The following LRP5 variants were observed in gnomAD, a reference collection of about 807,000 sequenced individuals.
The protein encoded by LRP5 is LDL receptor related protein 5.
In LRP5, 62 loss-of-function variants were observed where a neutral mutation model predicts 154.1. The ratio of observed to expected loss-of-function variants is 0.40; its 90% CI spans 0.33 to 0.50. The LOEUF (loss-of-function observed/expected upper bound fraction) is 0.50. LRP5 is among the 20% of genes least tolerant of loss of function. The pLI, the probability that LRP5 is intolerant of heterozygous loss-of-function variation, is 0.55. For missense variants in LRP5, 1,915 were observed against 2,336.7 expected, an observed-to-expected ratio of 0.82 and a Z score of 3.72; for synonymous variants, 966 against 1,011.5, an observed-to-expected ratio of 0.96 and a Z score of 0.85.
At chr11:68,351,057 C>T (rs984657153) in intron 2 of LRP5, among the ~76,000 whole-genome samples, 2 of 152,140 alleles carry the variant, frequency 1.3e-5, no homozygotes, top group African/African-American at 2.4e-5. Context: ...AGTATGTGCG[C>T]GAGAGTGTCT....
chr11:68,437,028 G>A, intron 19 of LRP5, 29 bp downstream of exon 19: 1 of 1,592,230 alleles, frequency 6.3e-7, no homozygotes, highest in Non-Finnish European at 8.6e-7. Context: ...CGGGGAAGGG[G>A]CGTCCGGGCT....
At chr11:68,393,113 G>C (rs7940269) in intron 7 of LRP5, among the ~76,000 whole-genome samples, 4 of 150,836 alleles carry the variant, frequency 2.7e-5, no homozygotes, top group Non-Finnish European at 4.4e-5. Context: ...CTGGACAACA[G>C]AGCAAGACCC....
At chr11:68,358,400 A>G (rs1337299973) in intron 3 of LRP5, among the ~76,000 whole-genome samples, 1 of 152,198 alleles carries the variant, frequency 6.6e-6, no homozygotes, top group Admixed American at 6.5e-5. Flanking sequence ...GGCGTGAGCC[A>G]CCGCACCCGG....
chr11:68,431,911 C>T (rs950960131), intron 17 of LRP5, among the ~76,000 whole-genome samples: 4 of 152,242 alleles, frequency 2.6e-5, no homozygotes, highest in Admixed American at 2.6e-4. Context: ...GAACTCCAGG[C>T]CCCTTCCTCA....
At chr11:68,420,088 C>T (rs2098664712) in intron 13 of LRP5, among the ~76,000 whole-genome samples, 1 of 152,244 alleles carries the variant, frequency 6.6e-6, no homozygotes. Flanking sequence ...CGCACCCAGC[C>T]CATTTTACCT....
At chr11:68,434,439 G>A (rs943645317) in intron 18 of LRP5, among the ~76,000 whole-genome samples, 2 of 152,064 alleles carry the variant, frequency 1.3e-5, no homozygotes, top group African/African-American at 4.8e-5. Flanking sequence ...GAGTGCCCTG[G>A]TGTAATCTCG....
chr11:68,416,675 C>T (rs2098662742), intron 13 of LRP5, 148 bp downstream of exon 13: 6 of 742,696 alleles, frequency 8.1e-6, no homozygotes, highest in Non-Finnish European at 1.4e-5. Flanking sequence ...TATGTAGTCA[C>T]AGGGTATGAC....
chr11:68,381,865 T>C (rs984635264), intron 5 of LRP5, among the ~76,000 whole-genome samples: 10 of 152,168 alleles, frequency 6.6e-5, no homozygotes, highest in Admixed American at 6.5e-4. Context: ...CCCGGACCTC[T>C]CTACACACAG....
Position 68,433,599 on chromosome 11 carries a change from C to G in LRP5, c.3764-3C>G, listed in dbSNP as rs200397490. The G allele has an allele frequency of 2.3e-5, 37 of 1,612,432 alleles. No homozygotes were observed. The highest frequency in any genetic ancestry group is 3.0e-5 in the Non-Finnish European group (35 of 1,179,268). On this transcript the variant is annotated splice_region_variant and splice_polypyrimidine_tract_variant and intron_variant, in intron 17 of 22. Transcript: ENST00000294304. ...GTGATGTTCTCCTCTGTCCCTCCCCCAGAGCCGCCCACCTGCTCCCCGGAC... is the reference window on the plus strand; with the variant it reads ...GTGATGTTCTCCTCTGTCCCTCCCCGAGAGCCGCCCACCTGCTCCCCGGAC...
At chr11:68,312,062 T>TC (rs1296537647), upstream of LRP5, among the ~76,000 whole-genome samples, 4 of 152,386 alleles carry the variant, frequency 2.6e-5, no homozygotes, top group East Asian at 5.8e-4. Context: ...TGTGTCTGTT[T>TC]CGCAGTCTTC....
At chr11:68,436,332 G>A (rs929750034) in intron 18 of LRP5, among the ~76,000 whole-genome samples, 1 of 152,158 alleles carries the variant, frequency 6.6e-6, no homozygotes, top group Non-Finnish European at 1.5e-5. Context: ...CTGGGTGGGC[G>A]TCTGGGGAGG....
intron 7 of LRP5, among the ~76,000 whole-genome samples, chr11:68,391,205 A>G (rs913875435): frequency 6.6e-6 from 1 of 152,170 alleles, no homozygotes; most frequent in African/African-American, 2.4e-5. Context: ...CTGGTCTCAC[A>G]TGATCCACCT....
Position 68,348,027 on chromosome 11 carries a change from A to G in LRP5, c.272A>G (p.Tyr91Cys), listed in dbSNP as rs1241618923. Reference protein sequence around the residue: ...DVSEEAIKQTYLNQTGAAVQN... With the variant: ...DVSEEAIKQTCLNQTGAAVQN... ...AGCGAGGAGGCCATCAAGCAGACCTACCTGAACCAGACGGGGGCCGCCGTG... is the reference window on the plus strand; with the variant it reads ...AGCGAGGAGGCCATCAAGCAGACCTGCCTGAACCAGACGGGGGCCGCCGTG... The change falls in exon 2 of 23, where the codon TAC becomes TGC. Residue 91 changes from tyrosine (Y) to cysteine (C), a missense_variant. By Grantham distance (194) the Tyr-to-Cys change is radical. This residue lies in a region of LRP5 where 773 missense variants were observed against 1,100.9 expected (regional missense o/e 0.70). Transcript: ENST00000294304. 1 of 1,614,082 alleles carries G rather than the reference A, an allele frequency of 6.2e-7. No homozygotes were observed. The highest frequency in any genetic ancestry group is 8.5e-7 in the Non-Finnish European group (1 of 1,180,004).
the LRP5 span, among the ~76,000 whole-genome samples, chr11:68,299,615 T>G: frequency 2.3e-5 from 3 of 131,500 alleles, no homozygotes; most frequent in Admixed American, 8.3e-5. Flanking sequence ...TGAGACAGAG[T>G]CTTGTTGCCC....
At chr11:68,398,425 T>A (rs2098650754) in intron 7 of LRP5, among the ~76,000 whole-genome samples, 1 of 152,222 alleles carries the variant, frequency 6.6e-6, no homozygotes, top group East Asian at 1.9e-4. Flanking sequence ...GGACAGAAGC[T>A]GGCAGCTCGG....
intron 7 of LRP5, among the ~76,000 whole-genome samples, chr11:68,395,598 G>A (rs765189561): frequency 5.3e-5 from 8 of 152,082 alleles, no homozygotes. Flanking sequence ...CTAAGAGGGG[G>A]ATACATTGCA....
intron 9 of LRP5, among the ~76,000 whole-genome samples, chr11:68,408,242 A>ATTT (rs11299690): frequency 0.016 from 813 of 52,048 alleles, no homozygotes; most frequent in African/African-American, 0.03. Flanking sequence ...CTCCTGGCTG[A>ATTT]TTTTTTTTTT....
intron 3 of LRP5, among the ~76,000 whole-genome samples, chr11:68,360,453 G>A (rs1385999846): frequency 3.9e-5 from 6 of 152,212 alleles, no homozygotes; most frequent in Non-Finnish European, 8.8e-5. Flanking sequence ...TCTCCCACCT[G>A]CTTCCCCGCG....
intron 5 of LRP5, among the ~76,000 whole-genome samples, chr11:68,370,697 G>C (rs2098633571): frequency 6.6e-6 from 1 of 152,240 alleles, no homozygotes; most frequent in Admixed American, 6.5e-5. Context: ...TCAGCCGTGA[G>C]AGGCACTTTT....
Sources: gnomAD v4.1 joint callset for allele counts (sites outside exome capture counted in the v4.1 genomes callset) on GRCh38, gnomAD v4.1.1 for gene constraint, gnomAD v4.1.1 regional missense constraint, MANE v1.5 for transcripts, NCBI Gene and HGNC (gene_info 2026-07-23, HGNC 2026-07-21) for gene names.